Variants in SUMF1 observed in about 807,000 individuals in gnomAD.
The protein encoded by SUMF1 is sulfatase modifying factor 1, also known as formylglycine-generating enzyme.
A neutral mutation model predicts 47.6 loss-of-function variants in SUMF1; 48 were observed. The ratio of observed to expected loss-of-function variants is 1.01; its 90% CI spans 0.80 to 1.28. The LOEUF (loss-of-function observed/expected upper bound fraction) is 1.28. SUMF1 is among the 50% of genes most tolerant of loss of function. The probability of loss-of-function intolerance (pLI) is 0.00; values close to 1 mark genes in which losing one functional copy is unlikely to be tolerated. For missense variants in SUMF1, 571 were observed against 485.4 expected (o/e 1.18, Z -1.66); for synonymous variants, 230 against 192.1 (o/e 1.20, Z -1.63).
chr3:4,351,981 T>C (rs146772528), intron 8 of SUMF1, among the ~76,000 whole-genome samples: 3 of 152,270 alleles, frequency 2.0e-5, no homozygotes, highest in Non-Finnish European at 4.4e-5. Context: ...ATCTAGTAAG[T>C]GGTAGGAGAA....
At chr3:4,039,133 T>C (rs932074023) in intron 9 of SUMF1, among the ~76,000 whole-genome samples, 4 of 148,622 alleles carry the variant, frequency 2.7e-5, no homozygotes, top group African/African-American at 9.8e-5. Flanking sequence ...AGAAAATACA[T>C]TTAATATATA....
chr3:4,295,506 A>G (rs1038681304), intron 8 of SUMF1, among the ~76,000 whole-genome samples: 1 of 152,054 alleles, frequency 6.6e-6, no homozygotes, highest in South Asian at 2.1e-4. Context: ...TTCTGTTTAT[A>G]GGTGGTATGC....
intron 8 of SUMF1, among the ~76,000 whole-genome samples, chr3:4,076,206 C>A (rs559227913): frequency 6.6e-6 from 1 of 152,102 alleles, no homozygotes; most frequent in Non-Finnish European, 1.5e-5. Context: ...AACCATCTAT[C>A]TTTGACAAAC....
chr3:4,438,089 G>C (rs1702459638), intron 3 of SUMF1, among the ~76,000 whole-genome samples: 1 of 151,932 alleles, frequency 6.6e-6, no homozygotes, highest in South Asian at 2.1e-4. Flanking sequence ...CAAAGTAAAA[G>C]AGAATCTCTA....
chr3:4,138,335 T>G (rs1329213194), intron 8 of SUMF1, among the ~76,000 whole-genome samples: 1 of 152,114 alleles, frequency 6.6e-6, no homozygotes, highest in African/African-American at 2.4e-5. Context: ...GATCTCTACA[T>G]CTCTGGGATG....
At chr3:4,059,881 A>T (rs1404994389) in intron 9 of SUMF1, among the ~76,000 whole-genome samples, 5 of 152,094 alleles carry the variant, frequency 3.3e-5, no homozygotes, top group Admixed American at 6.6e-5. Context: ...GTGCTGGATA[A>T]GGAGAATAAA....
chr3:4,240,641 A>T (rs1386114865), intron 8 of SUMF1, among the ~76,000 whole-genome samples: 2 of 152,060 alleles, frequency 1.3e-5, no homozygotes, highest in Non-Finnish European at 1.5e-5. Context: ...GAGATATTAT[A>T]AGCAACCCAA....
At chr3:4,340,102 T>TGC (rs1491443282) in intron 8 of SUMF1, among the ~76,000 whole-genome samples, 29 of 122,020 alleles carry the variant, frequency 2.4e-4, no homozygotes, top group Admixed American at 3.1e-4. Flanking sequence ...CAGGCACCAA[T>TGC]GTGCACACAC....
intron 8 of SUMF1, among the ~76,000 whole-genome samples, chr3:4,111,520 A>G (rs978206132): frequency 1.3e-5 from 2 of 151,954 alleles, no homozygotes; most frequent in Non-Finnish European, 2.9e-5. Context: ...GAGATAGAGA[A>G]CATCCTGGCC....
chr3:4,224,538 A>C (rs994387867), intron 8 of SUMF1, among the ~76,000 whole-genome samples: 4 of 152,022 alleles, frequency 2.6e-5, no homozygotes, highest in Admixed American at 1.3e-4. Context: ...TCCCATTTCC[A>C]GGGATCCTAC....
At chr3:4,413,650 A>T (rs988802597) in intron 6 of SUMF1, among the ~76,000 whole-genome samples, 4 of 152,036 alleles carry the variant, frequency 2.6e-5, no homozygotes, top group African/African-American at 9.7e-5. Flanking sequence ...CGTTAAAGCC[A>T]AAATTAATCA....
rs147606329 is a variant in SUMF1 at position 4,116,142 on chromosome 3, T to A, written c.1015-47397A>T. Among the ~76,000 whole-genome samples, 1,221 of 152,208 alleles carry A rather than the reference T, an allele frequency of 8.0e-3. 24 individuals carry two copies. The highest frequency in any genetic ancestry group is 0.028 in the African/African-American group (1,147 of 41,482). ...CAGTTAACATCATCCCCAATGTATA[T>A]GAGGATCCTGAGACACAAAGAGGTT... On this transcript the variant is annotated intron_variant and NMD_transcript_variant, in intron 8 of 12. Transcript: ENST00000448413.
chr3:4,075,410 T>C (rs1692402375), intron 8 of SUMF1, among the ~76,000 whole-genome samples: 1 of 152,108 alleles, frequency 6.6e-6, no homozygotes. Flanking sequence ...ACTGAAAGCA[T>C]TCCCTTGGAA....
intron 8 of SUMF1, among the ~76,000 whole-genome samples, chr3:4,176,001 A>G (rs1352748107): frequency 1.3e-5 from 2 of 152,206 alleles, no homozygotes; most frequent in East Asian, 1.9e-4. Context: ...AAGAGTAAAA[A>G]GAAATGAACA....
chr3:4,467,192 G>C lies in SUMF1; in HGVS notation c.54C>G (p.Leu18=). 6.2e-7 allele frequency: 1 copy of C among 1,610,936 alleles called. No homozygotes were observed. The highest frequency in any genetic ancestry group is 8.5e-7 in the Non-Finnish European group (1 of 1,179,088). Residue 18 remains leucine, a synonymous_variant, in exon 1 of 9, where the codon CTC becomes CTG. Transcript: ENST00000272902. ...LVCGRCPELG[L]VLLLLLLSLL... is the part of the protein sequence containing the mutation. ...GCGAGAGCAGCAGCAGCAAGAGGAC[G>C]AGACCCAGCTCAGGGCAACGTCCAC...
chr3:4,381,168 C>G (rs111592354), intron 7 of SUMF1, among the ~76,000 whole-genome samples: 9 of 152,158 alleles, frequency 5.9e-5, no homozygotes, highest in African/African-American at 2.2e-4. Flanking sequence ...ACTCAGCAAA[C>G]AGTCAAAAGG....
chr3:4,259,232 G>T (rs756845161), intron 8 of SUMF1, among the ~76,000 whole-genome samples: 1 of 151,898 alleles, frequency 6.6e-6, no homozygotes, highest in African/African-American at 2.4e-5. Context: ...CCTGCACAAT[G>T]TGCACATGTA....
intron 8 of SUMF1, among the ~76,000 whole-genome samples, chr3:4,143,740 G>GTTAC (rs1694126354): frequency 1.3e-5 from 2 of 152,026 alleles, no homozygotes; most frequent in Non-Finnish European, 2.9e-5. Flanking sequence ...AGGTCATAAA[G>GTTAC]CTAAGTGAGA....
chr3:4,412,524 A>C (rs1701576555), intron 6 of SUMF1, among the ~76,000 whole-genome samples: 1 of 152,210 alleles, frequency 6.6e-6, no homozygotes, highest in African/African-American at 2.4e-5. Flanking sequence ...AGAGGTAGGA[A>C]GGAAAAGAAG....
Sources: allele counts gnomAD v4.1 joint callset (sites outside exome capture counted in the v4.1 genomes callset), GRCh38; gene constraint gnomAD v4.1.1; transcripts MANE v1.5; gene names NCBI Gene and HGNC (gene_info 2026-07-23, HGNC 2026-07-21).